The following RGS5 variants were observed in gnomAD, a reference collection of about 807,000 sequenced individuals.
RGS5 encodes regulator of G protein signaling 5, also known as regulator of G-protein signalling 5.
Under a neutral mutation model 18.9 loss-of-function variants are expected in RGS5, and 20 were observed. The observed-to-expected ratio is 1.06, with a 90% CI of 0.74 to 1.54. RGS5 has a LOEUF of 1.54. RGS5 is among the 40% of genes most tolerant of loss of function. The pLI, the probability that RGS5 is intolerant of heterozygous loss-of-function variation, is 0.00. For synonymous variants in RGS5, 57 were observed against 76.2 expected (o/e 0.75, Z 1.31); for missense variants, 201 against 211.8 (o/e 0.95, Z 0.32).
chr1:163,152,777 C>A (rs1198893366), intron 3 of RGS5, 61 bp from the exon 4 acceptor site: 7 of 1,457,418 alleles, frequency 4.8e-6, no homozygotes, highest in Non-Finnish European at 4.6e-6. Flanking sequence ...AATATTGTAT[C>A]CATGAGAGAA....
intron 4 of RGS5, among the ~76,000 whole-genome samples, chr1:163,152,223 A>G (rs1239661047): frequency 6.6e-6 from 1 of 152,172 alleles, no homozygotes; most frequent in Non-Finnish European, 1.5e-5. Flanking sequence ...ATCTCCATAA[A>G]GTAGTCTCCA....
At chr1:163,315,222 TG>T (rs1649989056) in intron 1 of RGS5, among the ~76,000 whole-genome samples, 1 of 152,130 alleles carries the variant, frequency 6.6e-6, no homozygotes, top group Non-Finnish European at 1.5e-5. Flanking sequence ...AAAATAGCAC[TG>T]GATATTGTAA....
rs1004789519 is a variant in RGS5, at chr1:163,150,723, T to G, written c.384+1827A>C. Among the ~76,000 whole-genome samples the G allele has an allele frequency of 2.6e-5, 4 of 152,196 alleles. 1 individual carries two copies. Among genetic ancestry groups the G allele is most frequent in the Non-Finnish European group, 1.5e-5 (1 of 68,036 alleles). On this transcript the variant is annotated intron_variant, in intron 4 of 4. Transcript: ENST00000313961. ...TTTTCGTGGCTTTGACCCACAGTAC[T>G]GTACATTCTCATACTCCTAACCTCC...
At chr1:163,170,046 C>T (rs549250003) in intron 1 of RGS5, among the ~76,000 whole-genome samples, 1 of 152,260 alleles carries the variant, frequency 6.6e-6, no homozygotes, top group African/African-American at 2.4e-5. Flanking sequence ...CTAATCTATC[C>T]ATCACTTTAT....
chr1:163,264,952 G>A (rs1042631144), intron 2 of RGS5, among the ~76,000 whole-genome samples: 1 of 152,032 alleles, frequency 6.6e-6, no homozygotes, highest in Non-Finnish European at 1.5e-5. Flanking sequence ...TACCTCCATA[G>A]TAAACCCAGC....
rs139138565 is a variant in RGS5, at chr1:163,179,947, C to T, written c.45-11579G>A. On this transcript the variant is annotated intron_variant, in intron 1 of 4. Transcript: ENST00000313961. ...TCTCATAATTTATAAATGCTCCAAT[C>T]TACATTATTTAGACTTTCTTCTTCA... Among the ~76,000 whole-genome samples, 351 of 152,218 alleles carry T rather than the reference C, an allele frequency of 2.3e-3. 2 individuals carry two copies. The highest frequency in any genetic ancestry group is 0.01 in the Middle Eastern group (3 of 294).
At chr1:163,311,232 A>C (rs10917722) in intron 1 of RGS5, among the ~76,000 whole-genome samples, 1 of 151,954 alleles carries the variant, frequency 6.6e-6, no homozygotes. Flanking sequence ...TAAAGAGAGC[A>C]AGTGCCTTGC....
Position 163,233,757 on chromosome 1 carries a change from C to T in RGS5, c.-280-65389G>A, listed in dbSNP as rs565676178. On this transcript the variant is annotated intron_variant, in intron 2 of 5. Coordinates refer to the RGS5 transcript ENST00000618415. ...GGGAGGGAAGAATATTACAAAGTACCTTCTTAAGGGTGGGGAGGGTGTATC... is the reference window on the plus strand; with the variant it reads ...GGGAGGGAAGAATATTACAAAGTACTTTCTTAAGGGTGGGGAGGGTGTATC... 5.9e-5 allele frequency among the ~76,000 whole-genome samples: 9 copies of T among 152,104 alleles called. 1 individual carries two copies. The South Asian group carries it at 1.9e-3, about 32-fold the overall frequency.
chr1:163,278,865 T>C (rs1175333071), intron 2 of RGS5, among the ~76,000 whole-genome samples: 2 of 152,004 alleles, frequency 1.3e-5, no homozygotes, highest in African/African-American at 2.4e-5. Flanking sequence ...AAACATGTCA[T>C]GCAAATGGAA....
intron 2 of RGS5, among the ~76,000 whole-genome samples, chr1:163,271,996 C>T (rs1665623106): frequency 6.6e-6 from 1 of 151,492 alleles, no homozygotes; most frequent in South Asian, 2.1e-4. Context: ...ACCTTCCTTC[C>T]CTTCCTTCCC....
rs1404287286 is a variant in RGS5 at position 163,168,314 on chromosome 1, A to G, written c.99T>C (p.Val33=). 2 of 1,613,870 alleles carry G rather than the reference A, an allele frequency of 1.2e-6. No homozygotes were observed. Among genetic ancestry groups the G allele is most frequent in the African/African-American group, 1.3e-5 (1 of 74,916 alleles). ...LGILLQKPDS[V]GDLVIPYNEK... is the part of the protein sequence containing the mutation. ...CATTGTACGGAATGACAAGGTCACCAACTGAGTCTGGCTTCTGGAGGAGAA... is the reference window on the plus strand; with the variant it reads ...CATTGTACGGAATGACAAGGTCACCGACTGAGTCTGGCTTCTGGAGGAGAA... The change falls in exon 2 of 5, where the codon GTT becomes GTC. Residue 33 remains valine (V), a synonymous_variant. Transcript: ENST00000313961.
chr1:163,302,891 T>G, intron 2 of RGS5, among the ~76,000 whole-genome samples: 1 of 152,188 alleles, frequency 6.6e-6, no homozygotes, highest in East Asian at 1.9e-4. Flanking sequence ...TGCAAACCTT[T>G]ATAGCACTCT....
chr1:163,302,646 T>C (rs1454645409), intron 2 of RGS5, among the ~76,000 whole-genome samples: 1 of 152,194 alleles, frequency 6.6e-6, no homozygotes, highest in Non-Finnish European at 1.5e-5. Flanking sequence ...CCCTTTCTAA[T>C]ATTTTCTGCT....
chr1:163,174,408 T>TG (rs1199014974), intron 1 of RGS5, among the ~76,000 whole-genome samples: 1 of 152,200 alleles, frequency 6.6e-6, no homozygotes, highest in African/African-American at 2.4e-5. Flanking sequence ...AATTGATGAA[T>TG]GAGCAAATGA....
intron 1 of RGS5, among the ~76,000 whole-genome samples, chr1:163,175,889 A>C (rs1462178033): frequency 6.6e-6 from 1 of 152,160 alleles, no homozygotes; most frequent in African/African-American, 2.4e-5. Context: ...AGGAATATAT[A>C]GTAGTAGTAG....
intron 1 of RGS5, among the ~76,000 whole-genome samples, chr1:163,175,020 A>T (rs1333214486): frequency 6.6e-6 from 1 of 152,232 alleles, no homozygotes; most frequent in Non-Finnish European, 1.5e-5. Context: ...CGTGAGCATT[A>T]GCAAAGAACT....
intron 2 of RGS5, among the ~76,000 whole-genome samples, chr1:163,258,445 T>G (rs1435215632): frequency 6.6e-6 from 1 of 152,164 alleles, no homozygotes; most frequent in African/African-American, 2.4e-5. Flanking sequence ...CCAAAACTGG[T>G]ATTGTACACA....
chr1:163,239,134 G>A, intron 2 of RGS5: 1 of 167,510 alleles, frequency 6.0e-6, no homozygotes. Flanking sequence ...ATCTCTTCAG[G>A]GAAAGAAATT....
intron 2 of RGS5, among the ~76,000 whole-genome samples, chr1:163,278,451 G>A (rs948338118): frequency 1.3e-5 from 2 of 151,914 alleles, no homozygotes; most frequent in African/African-American, 4.8e-5. Flanking sequence ...CATTAGACTG[G>A]CCACTAAAAA....
Sources: allele counts gnomAD v4.1 joint callset (sites outside exome capture counted in the v4.1 genomes callset), GRCh38; gene constraint gnomAD v4.1.1; transcripts MANE v1.5; gene names NCBI Gene and HGNC (gene_info 2026-07-23, HGNC 2026-07-21).